AK6: variants seen among roughly 807,000 people sequenced by gnomAD.
AK6 encodes adenylate kinase isoenzyme 6.
In AK6, 24 loss-of-function variants were observed where a neutral mutation model predicts 23.7. The observed-to-expected ratio is 1.01, with a 90% confidence interval of 0.73 to 1.43. The LOEUF (loss-of-function observed/expected upper bound fraction) is 1.43, where lower values mean the gene tolerates loss of function less well. Ranked by LOEUF, AK6 falls within the 40% of genes most tolerant of loss-of-function variation. The pLI, the probability that AK6 is intolerant of heterozygous loss-of-function variation, is 0.00. For missense variants in AK6, 191 were observed against 199.1 expected, an observed-to-expected ratio of 0.96 and a Z score of 0.24; for synonymous variants, 73 against 69.8, an observed-to-expected ratio of 1.05 and a Z score of -0.23.
chr5:69,365,419 T>C (rs1762378977), intron 2 of AK6: 2 of 1,614,202 alleles, frequency 1.2e-6, no homozygotes, highest in Non-Finnish European at 1.7e-6. Context: ...TATGGCTTGA[T>C]CAATGGCAAA....
intron 3 of AK6, 36 bp from the exon 4 acceptor site, chr5:69,355,830 A>G (rs759467673): frequency 1.5e-5 from 24 of 1,596,506 alleles, no homozygotes; most frequent in Non-Finnish European, 2.0e-5. Flanking sequence ...GCTTCTTAAG[A>G]AAACTGAAGT....
chr5:69,357,055 G>A (rs1447405937), intron 2 of AK6, among the ~76,000 whole-genome samples: 1 of 152,128 alleles, frequency 6.6e-6, no homozygotes, highest in African/African-American at 2.4e-5. Context: ...TTATATAGCA[G>A]TCTTCCCACC....
intron 4 of AK6, 43 bp downstream of exon 4, chr5:69,355,606 G>A (rs1762062367): frequency 6.6e-7 from 1 of 1,526,352 alleles, no homozygotes; most frequent in Non-Finnish European, 8.8e-7. Flanking sequence ...CTGAATAAAA[G>A]TTAACATTAT....
chr5:69,369,226 A>ACCCCCCCCCCCCCCCC lies in AK6; in HGVS notation c.28+236_28+237insGGGGGGGGGGGGGGGG, dbSNP rs200123392. The ACCCCCCCCCCCCCCCC allele has an allele frequency of 1.6e-3, 204 of 124,544 alleles. 50 individuals are homozygous for ACCCCCCCCCCCCCCCC. Among genetic ancestry groups the ACCCCCCCCCCCCCCCC allele is most frequent in the South Asian group, 7.9e-3 (49 of 6,236 alleles). 7.7% of individuals were successfully genotyped at this position (124,544 alleles called of 1,614,324 possible). A position where few individuals can be genotyped will look rare whatever the true frequency, so the allele number is the denominator to read the frequency against. ...GAGCTGGATCTGCCGACCTCTCTCC[A>ACCCCCCCCCCCCCCCC]CCCCCCCCCGCCCCCCCCCGGAGCC... On this transcript the variant is annotated intron_variant, in intron 1 of 4. Coordinates refer to ENST00000380822, the MANE Select transcript of AK6 (RefSeq NM_016283.5).
chr5:69,369,527 G>T (rs750116889), upstream of AK6: 1 of 1,611,232 alleles, frequency 6.2e-7, no homozygotes. Context: ...CCTCGCTCAC[G>T]TGCCCTTTGC....
At chr5:69,361,214 C>G (rs957201243) in intron 2 of AK6, among the ~76,000 whole-genome samples, 1 of 151,706 alleles carries the variant, frequency 6.6e-6, no homozygotes, top group Non-Finnish European at 1.5e-5. Context: ...AGTGCAGTGG[C>G]GCGATCTTGG....
chr5:69,364,910 C>A, intron 2 of AK6: 1 of 1,566,184 alleles, frequency 6.4e-7, no homozygotes, highest in Non-Finnish European at 8.7e-7. Context: ...GAATTCAAGA[C>A]CAAGTATACA....
At chr5:69,358,351 T>A (rs1762135058) in intron 2 of AK6, among the ~76,000 whole-genome samples, 1 of 151,884 alleles carries the variant, frequency 6.6e-6, no homozygotes. Context: ...TGAAACCCCA[T>A]CTCTACCAAA....
intron 2 of AK6, among the ~76,000 whole-genome samples, chr5:69,360,685 G>A (rs778583744): frequency 3.9e-5 from 6 of 152,170 alleles, no homozygotes; most frequent in African/African-American, 1.4e-4. Context: ...GTGTCAGAGA[G>A]GTCAATAGAG....
rs1251981714 is a variant in AK6, at chr5:69,369,487, A to T, written c.4T>A (p.Leu2Met). Residue 2 changes from leucine (L) to methionine (M), a missense_variant, in exon 1 of 5, where the codon TTG (leucine) becomes ATG (methionine). Physicochemically the swap from Leu to Met is conservative, Grantham distance 15. Coordinates refer to ENST00000380822, the MANE Select transcript of AK6 (RefSeq NM_016283.5). M[L>M]LPNILLTGTP... ...CCGGTGAGCAGGATGTTCGGAAGCA[A>T]CATGGTCCCCGCCGCGACGGCTTCG... The T allele has an allele frequency of 1.2e-6, 2 of 1,611,274 alleles. No individual in the cohort carries two copies. The highest frequency in any genetic ancestry group is 1.7e-6 in the Non-Finnish European group (2 of 1,179,310).
intron 2 of AK6, among the ~76,000 whole-genome samples, chr5:69,360,907 T>C (rs1451646874): frequency 6.6e-6 from 1 of 152,222 alleles, no homozygotes; most frequent in Non-Finnish European, 1.5e-5. Context: ...TTCTAAGTGT[T>C]CAAGCCAAGC....
At chr5:69,360,339 G>C (rs570378225) in intron 2 of AK6, among the ~76,000 whole-genome samples, 1 of 152,280 alleles carries the variant, frequency 6.6e-6, no homozygotes, top group South Asian at 2.1e-4. Flanking sequence ...AAGGCCAAGT[G>C]GATCTGTGTG....
At chr5:69,369,657 C>G (rs1762790315), upstream of AK6, 1 of 1,559,632 alleles carries the variant, frequency 6.4e-7, no homozygotes, top group Non-Finnish European at 8.7e-7. Flanking sequence ...CACTGGTTAC[C>G]TGGCTTTCGA....
Position 69,369,228 on chromosome 5 carries a change from C to A in AK6, c.28+235G>T, listed in dbSNP as rs17236149. ...GCTGGATCTGCCGACCTCTCTCCAC[C>A]CCCCCCCGCCCCCCCCCGGAGCCTC... is the stretch of plus-strand genomic sequence containing the variant. On this transcript the variant is annotated intron_variant, in intron 1 of 4. Coordinates refer to ENST00000380822, the MANE Select transcript of AK6 (RefSeq NM_016283.5). The A allele has an allele frequency of 1.2e-3, 78 of 66,118 alleles. 2 individuals are homozygous for A. The South Asian group carries it at 0.018, about 15-fold the overall frequency. 4.1% of individuals were successfully genotyped at this position (66,118 alleles called of 1,614,324 possible). A position where few individuals can be genotyped will look rare whatever the true frequency, so the allele number is the denominator to read the frequency against.
upstream of AK6, chr5:69,369,724 G>A (rs1276798306): frequency 2.0e-5 from 31 of 1,549,228 alleles, no homozygotes; most frequent in Non-Finnish European, 2.5e-5. Flanking sequence ...GGTACTTCGG[G>A]TCAGGCAGTG....
At chr5:69,356,744 G>A (rs1022301286) in intron 2 of AK6, among the ~76,000 whole-genome samples, 1 of 152,084 alleles carries the variant, frequency 6.6e-6, no homozygotes, top group African/African-American at 2.4e-5. Context: ...AATAGAGAAG[G>A]GTCAGGATCC....
At chr5:69,367,284 G>A (rs991410449) in intron 1 of AK6, among the ~76,000 whole-genome samples, 5 of 151,484 alleles carry the variant, frequency 3.3e-5, no homozygotes, top group African/African-American at 1.2e-4. Context: ...AGGCCGAGGC[G>A]GGCAGATCAC....
At chr5:69,364,874 G>T in intron 2 of AK6, 2 of 1,346,714 alleles carry the variant, frequency 1.5e-6, no homozygotes, top group Non-Finnish European at 2.0e-6. Flanking sequence ...AAAACATCCA[G>T]CATGCATGTT....
chr5:69,364,714 T>C (rs1396530063), intron 2 of AK6: 3 of 621,036 alleles, frequency 4.8e-6, no homozygotes, highest in Non-Finnish European at 8.5e-6. Flanking sequence ...AAATTGCTTT[T>C]AAAAACATAA....
Sources: allele counts gnomAD v4.1 joint callset (sites outside exome capture counted in the v4.1 genomes callset), GRCh38; gene constraint gnomAD v4.1.1; transcripts MANE v1.5; gene names NCBI Gene and HGNC (gene_info 2026-07-23, HGNC 2026-07-21).